The following TRHDE variants were observed in gnomAD, a reference collection of about 807,000 sequenced individuals.
TRHDE encodes thyrotropin releasing hormone degrading enzyme, also known as thyrotropin-releasing hormone-degrading ectoenzyme.
Under a neutral mutation model 125.7 loss-of-function variants are expected in TRHDE, and 72 were observed. That is an observed-to-expected ratio of 0.57 (90% confidence interval 0.47 to 0.70). The LOEUF (loss-of-function observed/expected upper bound fraction) is 0.70. Ranked by LOEUF, TRHDE falls within the 30% of genes least tolerant of loss-of-function variation. The pLI is 0.00. For missense variants in TRHDE, 1,110 were observed against 1,327.1 expected (o/e 0.84, Z 2.54); for synonymous variants, 509 against 509.1 (o/e 1.00, Z 0.00).
intron 6 of TRHDE, among the ~76,000 whole-genome samples, chr12:72,511,973 T>C (rs1592500754): frequency 6.6e-6 from 1 of 152,178 alleles, no homozygotes; most frequent in Non-Finnish European, 1.5e-5. Flanking sequence ...TTGTGTCACA[T>C]TGTATTGTTG....
At chr12:72,545,728 A>G (rs945339915) in intron 7 of TRHDE, among the ~76,000 whole-genome samples, 1 of 151,674 alleles carries the variant, frequency 6.6e-6, no homozygotes, top group Non-Finnish European at 1.5e-5. Flanking sequence ...TAGTATAAGG[A>G]AACAACTTCT....
intron 6 of TRHDE, among the ~76,000 whole-genome samples, chr12:72,534,008 AGAG>A: frequency 6.6e-6 from 1 of 152,170 alleles, no homozygotes. Flanking sequence ...ATTTCATGGC[AGAG>A]GAGATTGATG....
intron 2 of TRHDE, among the ~76,000 whole-genome samples, chr12:72,161,198 G>C (rs1876628308): frequency 6.6e-6 from 1 of 152,128 alleles, no homozygotes; most frequent in Admixed American, 6.5e-5. Flanking sequence ...ACTTTGGGAG[G>C]CCAAGGCTGG....
chr12:72,374,085 G>T (rs754973400), intron 2 of TRHDE, among the ~76,000 whole-genome samples: 2 of 152,142 alleles, frequency 1.3e-5, no homozygotes, highest in Non-Finnish European at 1.5e-5. Flanking sequence ...GCATGGACCA[G>T]GGTGGTAGTA....
intron 2 of TRHDE, among the ~76,000 whole-genome samples, chr12:72,342,948 G>C (rs976790996): frequency 3.3e-5 from 5 of 152,136 alleles, no homozygotes; most frequent in African/African-American, 1.2e-4. Context: ...CTTTACACAT[G>C]TAATAATTCT....
chr12:72,087,296 A>G (rs1592434966), exon 1 of TRHDE: 1 of 152,294 alleles, frequency 6.6e-6, no homozygotes. Flanking sequence ...CCCAAAGAGC[A>G]TCAGAAGAAA....
At chr12:72,109,987 G>T (rs1851500) in intron 2 of TRHDE, among the ~76,000 whole-genome samples, 108,266 of 151,814 alleles carry the variant, frequency 0.71, 39,936 homozygotes, top group Non-Finnish European at 0.81. Context: ...TTCCTCTTGG[G>T]TCAAATAATT....
chr12:72,650,125 A>G (rs1221419204), intron 15 of TRHDE, among the ~76,000 whole-genome samples: 3 of 152,126 alleles, frequency 2.0e-5, no homozygotes, highest in Admixed American at 2.0e-4. Flanking sequence ...TGTGGAAACA[A>G]TCTAAATGTT....
intron 12 of TRHDE, among the ~76,000 whole-genome samples, chr12:72,583,006 T>C (rs547362851): frequency 1.1e-3 from 162 of 152,310 alleles, no homozygotes; most frequent in Non-Finnish European, 1.9e-3. Context: ...TTAATAATAA[T>C]AGAACATTGA....
chr12:72,266,600 C>T (rs1057050310), intron 2 of TRHDE, among the ~76,000 whole-genome samples: 1 of 151,460 alleles, frequency 6.6e-6, no homozygotes, highest in African/African-American at 2.4e-5. Context: ...CTGTCCTCTC[C>T]AAGGAGAGTA....
intron 2 of TRHDE, among the ~76,000 whole-genome samples, chr12:72,194,663 G>T (rs1032998517): frequency 6.6e-6 from 1 of 152,068 alleles, no homozygotes; most frequent in Non-Finnish European, 1.5e-5. Flanking sequence ...ATTTACTTAG[G>T]ATAATAGCCT....
intron 5 of TRHDE, among the ~76,000 whole-genome samples, chr12:72,490,233 GC>G (rs1289272689): frequency 6.6e-6 from 1 of 151,842 alleles, no homozygotes; most frequent in Non-Finnish European, 1.5e-5. Flanking sequence ...ATGAAAAGAT[GC>G]TCAACATTGG....
intron 2 of TRHDE, among the ~76,000 whole-genome samples, chr12:72,327,004 GTTCC>G (rs993229842): frequency 1.3e-5 from 2 of 151,576 alleles, no homozygotes; most frequent in African/African-American, 4.8e-5. Context: ...TCTATGTTTT[GTTCC>G]TTCCTTTAAG....
chr12:72,641,873 T>G (rs905190183), intron 15 of TRHDE, among the ~76,000 whole-genome samples: 5 of 152,210 alleles, frequency 3.3e-5, no homozygotes, highest in Non-Finnish European at 7.3e-5. Flanking sequence ...GAACAATATA[T>G]TTTTCTCCCA....
chr12:72,376,905 A>G (rs1261089268), intron 2 of TRHDE, among the ~76,000 whole-genome samples: 1 of 152,082 alleles, frequency 6.6e-6, no homozygotes, highest in Admixed American at 6.6e-5. Context: ...AAAAGAACAC[A>G]AATTCCCTTA....
chr12:72,377,902 A>G, intron 2 of TRHDE, 93 bp from the exon 3 acceptor site: 1 of 892,968 alleles, frequency 1.1e-6, no homozygotes, highest in Non-Finnish European at 1.6e-6. Flanking sequence ...GTTTTGTAGT[A>G]TTCTAAGTGA....
intron 2 of TRHDE, among the ~76,000 whole-genome samples, chr12:72,234,582 A>G (rs1878305968): frequency 6.6e-6 from 1 of 152,238 alleles, no homozygotes; most frequent in East Asian, 1.9e-4. Flanking sequence ...TAAAGTGAAG[A>G]TAACACAGAC....
chr12:72,302,609 G>A (rs1397672075), intron 2 of TRHDE, among the ~76,000 whole-genome samples: 1 of 152,098 alleles, frequency 6.6e-6, no homozygotes, highest in Non-Finnish European at 1.5e-5. Flanking sequence ...CTGGAGCTGG[G>A]CTTAAGCTCA....
intron 14 of TRHDE, chr12:72,621,434 A>T: frequency 1.7e-6 from 1 of 584,200 alleles, no homozygotes; most frequent in Non-Finnish European, 3.0e-6. Flanking sequence ...TTTATTGGTG[A>T]TATTGAGATC....
Sources: gnomAD v4.1 joint callset for allele counts (sites outside exome capture counted in the v4.1 genomes callset) on GRCh38, gnomAD v4.1.1 for gene constraint, MANE v1.5 for transcripts, NCBI Gene and HGNC (gene_info 2026-07-23, HGNC 2026-07-21) for gene names.